The following ANAPC11 variants were observed in gnomAD, a reference collection of about 807,000 sequenced individuals.
ANAPC11 encodes the protein anaphase-promoting complex subunit 11.
Under a neutral mutation model 11.8 loss-of-function variants are expected in ANAPC11, and 5 were observed. The observed-to-expected ratio is 0.42, with a 90% CI of 0.22 to 0.89. The LOEUF (loss-of-function observed/expected upper bound fraction) is 0.89, where lower values mean the gene tolerates loss of function less well. Among genes scored for constraint, ANAPC11 ranks in the 40% least tolerant of loss-of-function variants. The probability of loss-of-function intolerance (pLI) is 0.28; values close to 1 mark genes in which losing one functional copy is unlikely to be tolerated. For synonymous variants in ANAPC11, 45 were observed against 41.0 expected (o/e 1.10, Z -0.38); for missense variants, 68 against 112.9 (o/e 0.60, Z 1.80).
intron 3 of ANAPC11, chr17:81,899,613 T>C: frequency 6.7e-7 from 1 of 1,503,564 alleles, no homozygotes; most frequent in Non-Finnish European, 9.0e-7. Flanking sequence ...GAGCGCCACC[T>C]CCTCAGAGAG....
intron 3 of ANAPC11, chr17:81,898,926 T>G (rs1288843221): frequency 2.3e-6 from 1 of 429,490 alleles, no homozygotes; most frequent in Non-Finnish European, 4.2e-6. Flanking sequence ...ACCCCTCTCC[T>G]CAGGGGGCTA....
upstream of ANAPC11, chr17:81,891,273 C>G (rs1222236704): frequency 2.7e-6 from 3 of 1,103,664 alleles, no homozygotes; most frequent in Middle Eastern, 3.9e-4. Context: ...CCGGCCCCAG[C>G]CCCGGCTGGC....
intron 1 of ANAPC11, chr17:81,892,055 GGTCC>G: frequency 6.5e-6 from 1 of 153,570 alleles, no homozygotes; most frequent in African/African-American, 2.4e-5. Flanking sequence ...CTCGCGGTGG[GGTCC>G]GGCGGGCGCG....
Position 81,900,183 on chromosome 17 carries a change from G to A in ANAPC11, c.*118G>A. The A allele has an allele frequency of 1.4e-6, 2 of 1,475,650 alleles. No homozygotes were observed. The highest frequency in any genetic ancestry group is 1.8e-6 in the Non-Finnish European group (2 of 1,093,718). 91.4% of individuals were successfully genotyped at this position (1,475,650 alleles called of 1,614,324 possible). On this transcript the variant is annotated 3_prime_UTR_variant, in exon 4 of 4. Transcript: ENST00000344877. ...CAAGGTGGAAACAAGGGCTGGAGCT[G>A]CGTTTGTTTTGCCATCACTATGTTG...
upstream of ANAPC11, chr17:81,891,475 G>T (rs1254858612): frequency 1.7e-6 from 2 of 1,152,748 alleles, no homozygotes; most frequent in South Asian, 2.3e-5. Flanking sequence ...GCCCGGCCGC[G>T]GCCCCGGCCC....
intron 3 of ANAPC11, chr17:81,899,061 C>T: frequency 1.5e-6 from 1 of 664,288 alleles, no homozygotes; most frequent in South Asian, 1.9e-5. Context: ...GCTGCCAGGA[C>T]AGGAGGGTGG....
intron 3 of ANAPC11, among the ~76,000 whole-genome samples, chr17:81,897,101 A>G (rs952739452): frequency 2.6e-5 from 4 of 152,118 alleles, no homozygotes; most frequent in Non-Finnish European, 5.9e-5. Context: ...CCCTAGTTCA[A>G]GTGATTCTCC....
chr17:81,894,986 G>T, intron 3 of ANAPC11: 1 of 181,404 alleles, frequency 5.5e-6, no homozygotes, highest in Non-Finnish European at 1.1e-5. Flanking sequence ...CCAAAGTGCT[G>T]GGATTACAGG....
Position 81,900,189 on chromosome 17 carries a change from G to C in ANAPC11, c.*124G>C. On this transcript the variant is annotated 3_prime_UTR_variant, in exon 4 of 4. Coordinates refer to ENST00000344877, the MANE Select transcript of ANAPC11 (RefSeq NM_001002248.3). ...GGAAACAAGGGCTGGAGCTGCGTTT[G>C]TTTTGCCATCACTATGTTGACACTT... The C allele has an allele frequency of 6.9e-7, 1 of 1,441,294 alleles. No homozygotes were observed. 89.3% of individuals were successfully genotyped at this position (1,441,294 alleles called of 1,614,324 possible). A position where few individuals can be genotyped will look rare whatever the true frequency, so the allele number is the denominator to read the frequency against.
At position 81,891,809 on chromosome 17, in the gene ANAPC11, G is replaced by A; in HGVS notation, c.-107G>A. 1 of 235,446 alleles carries A rather than the reference G, an allele frequency of 4.2e-6. No individual in the cohort carries two copies. Among genetic ancestry groups the A allele is most frequent in the Non-Finnish European group, 8.2e-6 (1 of 121,476 alleles). The allele number at this position is 235,446 out of a possible 1,614,324, so 14.6% of individuals were successfully genotyped here. A position where few individuals can be genotyped will look rare whatever the true frequency, so the allele number is the denominator to read the frequency against. On this transcript the variant is annotated 5_prime_UTR_variant, in exon 1 of 4. Coordinates refer to ENST00000344877, the MANE Select transcript of ANAPC11 (RefSeq NM_001002248.3). Reference sequence around the variant, plus strand: ...CGTTTTTATACCTTCCCGCGCGGACGCCGGCGCTGCCAACGGAAGGGCGGG... The same window carrying A: ...CGTTTTTATACCTTCCCGCGCGGACACCGGCGCTGCCAACGGAAGGGCGGG...
intron 3 of ANAPC11, chr17:81,899,401 G>A (rs1303996799): frequency 1.9e-6 from 3 of 1,613,940 alleles, no homozygotes; most frequent in African/African-American, 1.3e-5. Flanking sequence ...GAGTCTTCTA[G>A]GTCCCCAGAC....
chr17:81,894,455 C>G lies in ANAPC11; in HGVS notation c.-11-12C>G. ...CTCAATTTAGCCAGTCGTCCTGTTC[C>G]CTCCGCCGCAGGCTCTGCTGCCATG... On this transcript the variant is annotated splice_polypyrimidine_tract_variant and intron_variant, in intron 2 of 3. Transcript: ENST00000344877. 1.9e-6 allele frequency: 3 copies of G among 1,562,662 alleles called. No individual in the cohort carries two copies. Among genetic ancestry groups the G allele is most frequent in the Middle Eastern group, 1.7e-4 (1 of 5,980 alleles).
intron 3 of ANAPC11, chr17:81,899,679 C>G: frequency 8.9e-7 from 1 of 1,121,840 alleles, no homozygotes; most frequent in Non-Finnish European, 1.2e-6. Flanking sequence ...GCGCCTGCTG[C>G]GGTTGCCCCG....
At chr17:81,900,343 C>G (rs563706993), downstream of ANAPC11, 14 of 499,500 alleles carry the variant, frequency 2.8e-5, no homozygotes, top group African/African-American at 2.6e-4. Context: ...TAAACATCTC[C>G]GTGAAACGCC....
At chr17:81,899,582 GACACA>G (rs1253532792) in intron 3 of ANAPC11, 1 of 1,592,182 alleles carries the variant, frequency 6.3e-7, no homozygotes, top group Admixed American at 1.7e-5. Flanking sequence ...AAGCACAGGG[GACACA>G]GGGTGGGCTA....
At chr17:81,899,471 G>A in intron 3 of ANAPC11, 3 of 1,613,998 alleles carry the variant, frequency 1.9e-6, no homozygotes, top group South Asian at 1.1e-5. Context: ...CGTCTCCTTG[G>A]TGCCTTGACC....
chr17:81,896,941 G>A (rs2039766045), intron 3 of ANAPC11, among the ~76,000 whole-genome samples: 1 of 150,102 alleles, frequency 6.7e-6, no homozygotes, highest in East Asian at 2.0e-4. Flanking sequence ...AGCCTCCCAA[G>A]TAGCTGGGAT....
chr17:81,895,343 GC>G (rs535527737), intron 3 of ANAPC11, among the ~76,000 whole-genome samples: 7 of 151,440 alleles, frequency 4.6e-5, no homozygotes, highest in Admixed American at 3.3e-4. Context: ...GAACCACCGT[GC>G]CCCCCCCAAC....
At chr17:81,894,653 C>T (rs778138061) in intron 3 of ANAPC11, 67 bp downstream of exon 3, 18 of 1,019,428 alleles carry the variant, frequency 1.8e-5, no homozygotes, top group Non-Finnish European at 2.2e-5. Flanking sequence ...CTGTCTGCTG[C>T]CTGCTGGACT....
Sources: gnomAD v4.1 joint callset for allele counts (sites outside exome capture counted in the v4.1 genomes callset) on GRCh38, gnomAD v4.1.1 for gene constraint, MANE v1.5 for transcripts, NCBI Gene and HGNC (gene_info 2026-07-23, HGNC 2026-07-21) for gene names.